Variants in KCND2 observed in about 807,000 individuals in gnomAD.
KCND2 encodes A-type voltage-gated potassium channel KCND2.
A neutral mutation model predicts 54.4 loss-of-function variants in KCND2; 16 were observed. The ratio of observed to expected loss-of-function variants is 0.29; its 90% confidence interval spans 0.20 to 0.45. The LOEUF is 0.45. Among genes scored for constraint, KCND2 ranks in the 20% least tolerant of loss-of-function variants. KCND2 has a pLI of 1.00. For missense variants in KCND2, 486 were observed against 824.2 expected (o/e 0.59, Z 5.02); for synonymous variants, 317 against 310.7 (o/e 1.02, Z -0.21).
chr7:120,606,255 ATTG>A (rs1299904367), intron 1 of KCND2, among the ~76,000 whole-genome samples: 6 of 152,176 alleles, frequency 3.9e-5, no homozygotes, highest in African/African-American at 1.4e-4. Context: ...TTACTTTTAT[ATTG>A]TTGTATTGTA....
Position 120,581,828 on chromosome 7 carries a change from CA to C in KCND2, c.1116-151074del, listed in dbSNP as rs531600283. ...CTGCGTTCATGCAATTCTCCTGCCT[CA>C]GCAGCCCAAGTAGCTGGGATTACAG... On this transcript the variant is annotated intron_variant, in intron 1 of 5. Transcript: ENST00000331113. 5.4e-4 allele frequency among the ~76,000 whole-genome samples: 82 copies of C among 152,188 alleles called. 1 individual carries two copies. Among genetic ancestry groups the C allele is most frequent in the African/African-American group, 1.9e-3 (79 of 41,522 alleles).
chr7:120,388,535 A>G (rs1037142209), intron 1 of KCND2, among the ~76,000 whole-genome samples: 1 of 152,014 alleles, frequency 6.6e-6, no homozygotes, highest in Non-Finnish European at 1.5e-5. Context: ...TGGAGGTGGA[A>G]CCCATTTGTG....
chr7:120,699,470 A>T (rs968307885), intron 1 of KCND2, among the ~76,000 whole-genome samples: 1 of 152,330 alleles, frequency 6.6e-6, no homozygotes, highest in South Asian at 2.1e-4. Flanking sequence ...AGTGACTAAC[A>T]GTGGAGTGGG....
chr7:120,657,538 G>A (rs1407838497), intron 1 of KCND2, among the ~76,000 whole-genome samples: 2 of 152,028 alleles, frequency 1.3e-5, no homozygotes, highest in Admixed American at 6.6e-5. Flanking sequence ...AGCCTTATCC[G>A]TAGGGCCTTC....
intron 1 of KCND2, among the ~76,000 whole-genome samples, chr7:120,600,441 A>G (rs1022010481): frequency 1.3e-5 from 2 of 152,076 alleles, no homozygotes; most frequent in African/African-American, 4.8e-5. Flanking sequence ...GTCTCACTAG[A>G]ATAAGTTCTA....
chr7:120,455,891 C>A (rs751015521), intron 1 of KCND2, among the ~76,000 whole-genome samples: 2 of 152,098 alleles, frequency 1.3e-5, no homozygotes, highest in Non-Finnish European at 2.9e-5. Flanking sequence ...ATGAAATAAT[C>A]TGTACACAAA....
chr7:120,418,628 T>C (rs1285483015), intron 1 of KCND2, among the ~76,000 whole-genome samples: 1 of 152,122 alleles, frequency 6.6e-6, no homozygotes, highest in African/African-American at 2.4e-5. Context: ...ATGGGTGTTT[T>C]TTATTAGTTC....
intron 1 of KCND2, among the ~76,000 whole-genome samples, chr7:120,506,663 G>C (rs1803025127): frequency 6.6e-6 from 1 of 151,878 alleles, no homozygotes; most frequent in South Asian, 2.1e-4. Flanking sequence ...GCTGTCAAAT[G>C]GTTGTAGTAA....
rs75807031 is a variant in KCND2 at position 120,316,645 on chromosome 7, G to A, written c.1115+40898G>A. 1.5e-3 allele frequency among the ~76,000 whole-genome samples: 231 copies of A among 152,210 alleles called. 3 individuals are homozygous for A. In the East Asian group the frequency reaches 0.037, roughly 24 times the overall value. On this transcript the variant is annotated intron_variant, in intron 1 of 5. Transcript: ENST00000331113. ...ATTTTTATTAGTTTATTTGCAATTT[G>A]TGTTGACATATTGGCCACTTATTCT...
chr7:120,563,439 G>A (rs765677826), intron 1 of KCND2, among the ~76,000 whole-genome samples: 1 of 152,032 alleles, frequency 6.6e-6, no homozygotes. Context: ...ATGAAGCCTA[G>A]CTATCATCTA....
At position 120,742,499 on chromosome 7, in the gene KCND2, TTTG is replaced by T; in HGVS notation, c.1375-8_1375-6del. Reference sequence around the variant, plus strand: ...AAATAGAAAGCTCTTCTGTCTTCTCTTTGTTAACAGTCCTCAGAGGATGAGCAG... The same window carrying T: ...AAATAGAAAGCTCTTCTGTCTTCTCTTTAACAGTCCTCAGAGGATGAGCAG... On this transcript the variant is annotated splice_polypyrimidine_tract_variant and splice_region_variant and intron_variant, in intron 3 of 5. Coordinates refer to ENST00000331113, the MANE Select transcript of KCND2 (RefSeq NM_012281.3). The T allele has an allele frequency of 6.2e-7, 1 of 1,611,302 alleles. No individual in the cohort carries two copies. The highest frequency in any genetic ancestry group is 1.7e-5 in the Admixed American group (1 of 59,986).
At chr7:120,469,538 A>G (rs1455029202) in intron 1 of KCND2, among the ~76,000 whole-genome samples, 1 of 152,132 alleles carries the variant, frequency 6.6e-6, no homozygotes, top group Admixed American at 6.6e-5. Flanking sequence ...GCATTAGTCA[A>G]TGCTCTGTTT....
chr7:120,715,282 G>A (rs920161369), intron 1 of KCND2, among the ~76,000 whole-genome samples: 2 of 151,962 alleles, frequency 1.3e-5, no homozygotes, highest in Non-Finnish European at 1.5e-5. Context: ...TGATAGTTGT[G>A]TAACCATGTA....
At chr7:120,380,593 C>G (rs926751666) in intron 1 of KCND2, among the ~76,000 whole-genome samples, 2 of 151,962 alleles carry the variant, frequency 1.3e-5, no homozygotes, top group African/African-American at 4.8e-5. Context: ...AACCTAATTT[C>G]TTTTTGTGTG....
chr7:120,653,771 A>G (rs193174075), intron 1 of KCND2, among the ~76,000 whole-genome samples: 55 of 152,350 alleles, frequency 3.6e-4, no homozygotes, highest in Admixed American at 7.2e-4. Context: ...GATATACAAA[A>G]TTTGAGTTCC....
chr7:120,585,771 A>G (rs1477093771), intron 1 of KCND2, among the ~76,000 whole-genome samples: 1 of 152,198 alleles, frequency 6.6e-6, no homozygotes, highest in Non-Finnish European at 1.5e-5. Flanking sequence ...TGTTTGAACC[A>G]GGGACCTGTA....
At chr7:120,507,708 C>T (rs1392840321) in intron 1 of KCND2, among the ~76,000 whole-genome samples, 2 of 151,768 alleles carry the variant, frequency 1.3e-5, no homozygotes, top group Non-Finnish European at 2.9e-5. Context: ...CTCCTAGTAG[C>T]CCTACACCTC....
At chr7:120,293,635 A>G (rs1424790336) in intron 1 of KCND2, among the ~76,000 whole-genome samples, 2 of 151,966 alleles carry the variant, frequency 1.3e-5, no homozygotes, top group Admixed American at 1.3e-4. Context: ...TGCAATCATC[A>G]TTATTATCAT....
intron 1 of KCND2, among the ~76,000 whole-genome samples, chr7:120,384,775 T>C (rs1270016852): frequency 6.6e-6 from 1 of 152,132 alleles, no homozygotes; most frequent in East Asian, 1.9e-4. Flanking sequence ...GCCATTTACA[T>C]TTAGCTTGTC....
Sources: gnomAD v4.1 joint callset for allele counts (sites outside exome capture counted in the v4.1 genomes callset) on GRCh38, gnomAD v4.1.1 for gene constraint, MANE v1.5 for transcripts, NCBI Gene and HGNC (gene_info 2026-07-23, HGNC 2026-07-21) for gene names.